PIWIL4: variants seen among roughly 807,000 people sequenced by gnomAD.
PIWIL4 encodes piwi-like protein 4.
A neutral mutation model predicts 100.9 loss-of-function variants in PIWIL4; 50 were observed. The observed-to-expected ratio is 0.50, with a 90% confidence interval of 0.39 to 0.63. The LOEUF is 0.63. Among genes scored for constraint, PIWIL4 ranks in the 20% least tolerant of loss-of-function variants. PIWIL4 has a pLI of 0.00. For synonymous variants in PIWIL4, 342 were observed against 367.5 expected (o/e 0.93, Z 0.79); for missense variants, 887 against 1,043.3 (o/e 0.85, Z 2.06).
chr11:94,615,213 G>A (rs991679586), intron 15 of PIWIL4, among the ~76,000 whole-genome samples: 1 of 152,124 alleles, frequency 6.6e-6, no homozygotes, highest in Non-Finnish European at 1.5e-5. Flanking sequence ...TGTTCTGGTT[G>A]AGGCAAGAAA....
Position 94,577,265 on chromosome 11 carries a change from T to G in PIWIL4, c.299-13T>G. On this transcript the variant is annotated splice_polypyrimidine_tract_variant and intron_variant, in intron 3 of 19. Transcript: ENST00000299001. ...TCCTGATTAAAAAATTGTTTTTTGT[T>G]TGTCTTCTTCAGGTTCCAGTGGAAT... is the stretch of plus-strand genomic sequence containing the variant. 6.3e-7 allele frequency: 1 copy of G among 1,595,572 alleles called. No individual in the cohort carries two copies. The highest frequency in any genetic ancestry group is 8.6e-7 in the Non-Finnish European group (1 of 1,168,414).
chr11:94,595,407 C>A lies in PIWIL4; in HGVS notation c.1249C>A (p.Leu417Ile). ...AGGCCGGCAGCAGCGCCTGGCCAGG[C>A]TTGTGGACAACATCCAGAGGTACTG... ...PSGRQQRLAR[L>I]VDNIQRNTNA... Residue 417 changes from leucine to isoleucine, a missense_variant, in exon 10 of 20, where the codon CTT becomes ATT. Transcript: ENST00000299001. 6.2e-7 allele frequency: 1 copy of A among 1,613,510 alleles called. No individual in the cohort carries two copies. Among genetic ancestry groups the A allele is most frequent in the Non-Finnish European group, 8.5e-7 (1 of 1,179,620 alleles).
chr11:94,567,753 C>G (rs1948095743), intron 1 of PIWIL4, 148 bp downstream of exon 1: 2 of 1,267,084 alleles, frequency 1.6e-6, no homozygotes, highest in Admixed American at 7.4e-5. Flanking sequence ...TCCAAGGTTT[C>G]TTCTAACAGT....
Position 94,567,427 on chromosome 11 carries a change from C to T in PIWIL4, c.-92C>T. On this transcript the variant is annotated 5_prime_UTR_variant, in exon 1 of 20. Transcript: ENST00000299001. The stretch of plus-strand genomic sequence containing the variant: ...GACATCCACCGCCTCCAGGCAGTTT[C>T]GCCGTCACACCGTCGCCATCTGTAG... 3 of 1,184,474 alleles carry T rather than the reference C, an allele frequency of 2.5e-6. No homozygotes were observed. Among genetic ancestry groups the T allele is most frequent in the Non-Finnish European group, 1.1e-6 (1 of 878,184 alleles). 73.4% of individuals were successfully genotyped at this position (1,184,474 alleles called of 1,614,324 possible). A position where few individuals can be genotyped will look rare whatever the true frequency, so the allele number is the denominator to read the frequency against.
Position 94,587,379 on chromosome 11 carries a change from G to A in PIWIL4, c.914+132G>A, listed in dbSNP as rs1462184349. 6 of 1,002,944 alleles carry A rather than the reference G, an allele frequency of 6.0e-6. No homozygotes were observed. In the East Asian group the frequency reaches 1.6e-4, roughly 26 times the overall value. The allele number at this position is 1,002,944 out of a possible 1,614,324, so 62.1% of individuals were successfully genotyped here. A position where few individuals can be genotyped will look rare whatever the true frequency, so the allele number is the denominator to read the frequency against. On this transcript the variant is annotated intron_variant, in intron 7 of 19. Coordinates refer to ENST00000299001, the MANE Select transcript of PIWIL4 (RefSeq NM_152431.3). ...ATTTACTCATCTGTTTAGAAGACCT[G>A]GTTGTTTTGCTGTCTGGAGTTCACA...
intron 9 of PIWIL4, 40 bp from the exon 10 acceptor site, chr11:94,595,269 A>G (rs376096234): frequency 8.3e-6 from 13 of 1,562,982 alleles, no homozygotes; most frequent in Admixed American, 1.7e-5. Context: ...TGAGTTGCTT[A>G]TGTTCATTTT....
In PIWIL4 at chr11:94,577,568, T is replaced by C. The variant is rs1948255753; in HGVS notation, c.513+76T>C. 6.4e-6 allele frequency: 7 copies of C among 1,094,574 alleles called. No individual in the cohort carries two copies. The South Asian group carries it at 1.2e-4, about 19-fold the overall frequency. 67.8% of individuals were successfully genotyped at this position (1,094,574 alleles called of 1,614,324 possible). A position where few individuals can be genotyped will look rare whatever the true frequency, so the allele number is the denominator to read the frequency against. On this transcript the variant is annotated intron_variant, in intron 4 of 19. Coordinates refer to ENST00000299001, the MANE Select transcript of PIWIL4 (RefSeq NM_152431.3). ...ATGTGTATACACACACACATATATA[T>C]GCATATGCAAGGAGATTCCAAAAGG...
intron 16 of PIWIL4, 42 bp from the exon 17 acceptor site, chr11:94,617,912 T>A: frequency 1.3e-6 from 2 of 1,596,400 alleles, no homozygotes; most frequent in Non-Finnish European, 1.7e-6. Context: ...TTTGTTGGCA[T>A]TAGAAAAGTA....
intron 10 of PIWIL4, among the ~76,000 whole-genome samples, chr11:94,596,899 T>G (rs80247022): frequency 0.028 from 4,289 of 152,226 alleles, 212 homozygotes; most frequent in African/African-American, 0.097. Context: ...AGAGAGACAG[T>G]GGTGAAGAGG....
intron 15 of PIWIL4, among the ~76,000 whole-genome samples, chr11:94,613,266 A>C (rs1948806491): frequency 6.6e-6 from 1 of 152,182 alleles, no homozygotes. Context: ...TTTTCTTTCA[A>C]AACTTGGAAT....
chr11:94,571,888 G>T (rs1159104761), intron 2 of PIWIL4, among the ~76,000 whole-genome samples: 6 of 152,158 alleles, frequency 3.9e-5, no homozygotes, highest in African/African-American at 1.4e-4. Context: ...TTGAACTAGT[G>T]TACAGTCCCA....
intron 4 of PIWIL4, among the ~76,000 whole-genome samples, chr11:94,578,262 AT>A (rs1200475783): frequency 6.6e-6 from 1 of 152,162 alleles, no homozygotes; most frequent in Non-Finnish European, 1.5e-5. Context: ...AATACCATTT[AT>A]TTAAAATTTT....
In PIWIL4 at chr11:94,595,467, T is replaced by A. The variant is rs768161475; in HGVS notation, c.1268+41T>A. On this transcript the variant is annotated intron_variant, in intron 10 of 19. Transcript: ENST00000299001. The stretch of plus-strand genomic sequence containing the variant: ...ATGCATCCTTCCTGGGGCTGAGTTT[T>A]TAGTATTAGATGGCCTATGTAACAC... 3 of 1,499,040 alleles carry A rather than the reference T, an allele frequency of 2.0e-6. No individual in the cohort carries two copies. The South Asian group carries it at 3.4e-5, about 17-fold the overall frequency. The allele number at this position is 1,499,040 out of a possible 1,614,324, so 92.9% of individuals were successfully genotyped here. A position where few individuals can be genotyped will look rare whatever the true frequency, so the allele number is the denominator to read the frequency against.
intron 13 of PIWIL4, among the ~76,000 whole-genome samples, chr11:94,605,285 G>T (rs1445334131): frequency 6.6e-6 from 1 of 152,182 alleles, no homozygotes; most frequent in Non-Finnish European, 1.5e-5. Flanking sequence ...ATCTGGAACA[G>T]CTCTTTAATT....
At chr11:94,598,198 C>T (rs79170828) in intron 11 of PIWIL4, among the ~76,000 whole-genome samples, 1 of 152,110 alleles carries the variant, frequency 6.6e-6, no homozygotes, top group Non-Finnish European at 1.5e-5. Flanking sequence ...GTGCATTGCT[C>T]TTAAAAAAGA....
Position 94,567,496 on chromosome 11 carries a change from G to GC in PIWIL4, c.-21dup, listed in dbSNP as rs551795229. 240 of 1,533,726 alleles carry GC rather than the reference G, an allele frequency of 1.6e-4. No homozygotes were observed. The African/African-American group carries it at 3.0e-3, about 19-fold the overall frequency. ...TAACTGAGACTTTGCAGCTCTTGTG[G>GC]CCACTCTGGGCTCACCGGGAACATG... On this transcript the variant is annotated 5_prime_UTR_variant, in exon 1 of 20. Coordinates refer to ENST00000299001, the MANE Select transcript of PIWIL4 (RefSeq NM_152431.3).
chr11:94,612,072 C>G (rs1449638376), intron 15 of PIWIL4, among the ~76,000 whole-genome samples: 1 of 152,132 alleles, frequency 6.6e-6, no homozygotes, highest in Non-Finnish European at 1.5e-5. Flanking sequence ...TTCATTTGGT[C>G]TAAAGTATAA....
At chr11:94,594,592 GT>G (rs1210160063) in intron 9 of PIWIL4, among the ~76,000 whole-genome samples, 1 of 151,884 alleles carries the variant, frequency 6.6e-6, no homozygotes, top group African/African-American at 2.4e-5. Flanking sequence ...GAGTGCAATG[GT>G]GCGATCTTGG....
rs1300597526 is a variant in PIWIL4, at chr11:94,621,114, T to C, written c.*122T>C. The C allele has an allele frequency of 3.1e-6, 2 of 650,104 alleles. No homozygotes were observed. The highest frequency in any genetic ancestry group is 5.6e-5 in the East Asian group (2 of 35,590). The allele number at this position is 650,104 out of a possible 1,614,324, so 40.3% of individuals were successfully genotyped here. A position where few individuals can be genotyped will look rare whatever the true frequency, so the allele number is the denominator to read the frequency against. On this transcript the variant is annotated 3_prime_UTR_variant, in exon 20 of 20. Coordinates refer to ENST00000299001, the MANE Select transcript of PIWIL4 (RefSeq NM_152431.3). Reference sequence around the variant, plus strand: ...AAAGATTGAGCTTAGTTTTCATGTCTAGGAAAAAAAGCAAAACAACTTAAT... The same window carrying C: ...AAAGATTGAGCTTAGTTTTCATGTCCAGGAAAAAAAGCAAAACAACTTAAT...
Sources: gnomAD v4.1 joint callset for allele counts (sites outside exome capture counted in the v4.1 genomes callset) on GRCh38, gnomAD v4.1.1 for gene constraint, MANE v1.5 for transcripts, NCBI Gene and HGNC (gene_info 2026-07-23, HGNC 2026-07-21) for gene names.